Variants in DYNC1LI1 observed in about 807,000 individuals in gnomAD.
DYNC1LI1 encodes dynein cytoplasmic 1 light intermediate chain 1, also known as cytoplasmic dynein 1 light intermediate chain 1.
DYNC1LI1 carries 19 observed loss-of-function variants against 63.8 expected under a neutral mutation model. The observed-to-expected ratio is 0.30, with a 90% CI of 0.21 to 0.44. The LOEUF (loss-of-function observed/expected upper bound fraction) is 0.44. DYNC1LI1 is among the 20% of genes least tolerant of loss of function. DYNC1LI1 has a pLI of 1.00. For missense variants in DYNC1LI1, 565 were observed against 630.2 expected, an observed-to-expected ratio of 0.90 and a Z score of 1.11; for synonymous variants, 225 against 232.3, an observed-to-expected ratio of 0.97 and a Z score of 0.28.
rs950813602 is a variant in DYNC1LI1 at position 32,526,077 on chromosome 3, A to T, written c.*722T>A. The T allele has an allele frequency of 6.6e-6, 1 of 152,522 alleles. No individual in the cohort carries two copies. Among genetic ancestry groups the T allele is most frequent in the African/African-American group, 2.4e-5 (1 of 41,404 alleles). 9.4% of individuals were successfully genotyped at this position (152,522 alleles called of 1,614,324 possible). A position where few individuals can be genotyped will look rare whatever the true frequency, so the allele number is the denominator to read the frequency against. ...AAGGCAAAGCCATATATATATATAT[A>T]TATGTATAGACAAATCCAAAGATTG... On this transcript the variant is annotated 3_prime_UTR_variant, in exon 13 of 13. Transcript: ENST00000273130.
intron 2 of DYNC1LI1, among the ~76,000 whole-genome samples, chr3:32,551,515 T>C (rs928824704): frequency 6.6e-6 from 1 of 152,216 alleles, no homozygotes. Flanking sequence ...GAGGAACCAC[T>C]GGCACAGTTT....
At chr3:32,543,955 G>A (rs922720570) in intron 4 of DYNC1LI1, among the ~76,000 whole-genome samples, 1 of 151,344 alleles carries the variant, frequency 6.6e-6, no homozygotes, top group African/African-American at 2.4e-5. Context: ...ACTACTCAGG[G>A]GGCTGAGATG....
chr3:32,531,888 T>A (rs527572993), intron 8 of DYNC1LI1: 1 of 152,196 alleles, frequency 6.6e-6, no homozygotes, highest in Non-Finnish European at 1.5e-5. Context: ...TTGCTGAATA[T>A]TTGCATTAAT....
intron 8 of DYNC1LI1, chr3:32,532,205 C>T (rs1697707045): frequency 6.6e-6 from 1 of 152,002 alleles, no homozygotes; most frequent in African/African-American, 2.4e-5. Context: ...GTGGCTCACA[C>T]CTGTAATCCC....
intron 2 of DYNC1LI1, among the ~76,000 whole-genome samples, chr3:32,552,922 C>A (rs1698064336): frequency 2.0e-5 from 3 of 152,232 alleles, no homozygotes; most frequent in African/African-American, 7.2e-5. Context: ...GCCAGGATCT[C>A]TTGACCTCGT....
At chr3:32,559,281 C>T (rs1204400151) in intron 2 of DYNC1LI1, among the ~76,000 whole-genome samples, 1 of 152,042 alleles carries the variant, frequency 6.6e-6, no homozygotes, top group Non-Finnish European at 1.5e-5. Context: ...AACTCTGTTG[C>T]CCAGGCTGGA....
chr3:32,542,896 A>G (rs949677018), intron 4 of DYNC1LI1, among the ~76,000 whole-genome samples: 1 of 152,206 alleles, frequency 6.6e-6, no homozygotes, highest in Non-Finnish European at 1.5e-5. Flanking sequence ...CCGTTCCTCT[A>G]GAAACACAGG....
chr3:32,570,812 C>CGAGGCGGCT lies in DYNC1LI1; in HGVS notation c.-51_-43dup. The CGAGGCGGCT allele has an allele frequency of 6.4e-7, 1 of 1,567,922 alleles. No individual in the cohort carries two copies. Among genetic ancestry groups the CGAGGCGGCT allele is most frequent in the Non-Finnish European group, 8.7e-7 (1 of 1,153,994 alleles). On this transcript the variant is annotated 5_prime_UTR_variant, in exon 1 of 13. Transcript: ENST00000273130. ...ACCACTCCCGGCAAGACTAAATGTGCGAGGCGGCTGAGGCGGTGGCGGTGG... is the reference window on the plus strand; with the variant it reads ...ACCACTCCCGGCAAGACTAAATGTGCGAGGCGGCTGAGGCGGCTGAGGCGGTGGCGGTGG...
intron 5 of DYNC1LI1, 139 bp from the exon 6 acceptor site, chr3:32,537,243 A>G: frequency 2.1e-6 from 1 of 467,866 alleles, no homozygotes; most frequent in Non-Finnish European, 3.7e-6. Flanking sequence ...AGGACACAGA[A>G]TATCAAGTAC....
chr3:32,563,865 AATG>A (rs775001302), intron 2 of DYNC1LI1, among the ~76,000 whole-genome samples: 11 of 152,242 alleles, frequency 7.2e-5, no homozygotes, highest in Non-Finnish European at 1.5e-4. Context: ...CTGGAATAAC[AATG>A]ATACTTTAAG....
At chr3:32,570,569 C>A in intron 1 of DYNC1LI1, 56 bp downstream of exon 1, 1 of 1,531,070 alleles carries the variant, frequency 6.5e-7, no homozygotes, top group African/African-American at 1.4e-5. Flanking sequence ...GATCCCGAGG[C>A]GTCCGCGCAA....
At chr3:32,530,688 A>G (rs1050249974) in intron 8 of DYNC1LI1, 168 bp from the exon 9 acceptor site, 6 of 605,152 alleles carry the variant, frequency 9.9e-6, no homozygotes, top group South Asian at 2.2e-5. Flanking sequence ...CCTTCAGCAG[A>G]GGTGTCCAGT....
chr3:32,551,956 G>A (rs1022127139), intron 2 of DYNC1LI1, among the ~76,000 whole-genome samples: 4 of 152,136 alleles, frequency 2.6e-5, no homozygotes, highest in African/African-American at 9.7e-5. Flanking sequence ...GTGACCCACA[G>A]ACTTCCTTCA....
chr3:32,537,224 A>C, intron 5 of DYNC1LI1, 120 bp from the exon 6 acceptor site: 1 of 520,318 alleles, frequency 1.9e-6, no homozygotes, highest in Non-Finnish European at 3.3e-6. Context: ...GATATGGTGA[A>C]TGAACAGCAG....
intron 2 of DYNC1LI1, among the ~76,000 whole-genome samples, chr3:32,554,264 T>C (rs1698081640): frequency 6.6e-6 from 1 of 152,244 alleles, no homozygotes; most frequent in African/African-American, 2.4e-5. Context: ...TTTTACATGA[T>C]GACAGCTATT....
chr3:32,540,698 A>AG (rs1697868676), intron 5 of DYNC1LI1, among the ~76,000 whole-genome samples: 2 of 151,958 alleles, frequency 1.3e-5, no homozygotes, highest in South Asian at 4.1e-4. Flanking sequence ...AAAAAAAAAA[A>AG]AATTAATGTT....
intron 5 of DYNC1LI1, among the ~76,000 whole-genome samples, chr3:32,539,687 C>T (rs1357177289): frequency 6.6e-6 from 1 of 151,516 alleles, no homozygotes; most frequent in East Asian, 1.9e-4. Flanking sequence ...AGGCGCCCGC[C>T]ACCATGCCTG....
At position 32,529,441 on chromosome 3, in the gene DYNC1LI1, C is replaced by T. The variant is rs902641180; in HGVS notation, c.1306+99G>A. 6.7e-6 allele frequency: 8 copies of T among 1,194,218 alleles called. No homozygotes were observed. In the African/African-American group the frequency reaches 1.2e-4, roughly 18 times the overall value. The allele number at this position is 1,194,218 out of a possible 1,614,324, so 74.0% of individuals were successfully genotyped here. A position where few individuals can be genotyped will look rare whatever the true frequency, so the allele number is the denominator to read the frequency against. ...TAGAGACAAAGCCTAAAAGGTATTA[C>T]ACAAGAATGAAAATAGTTATGGCAA... On this transcript the variant is annotated intron_variant, in intron 11 of 12. Transcript: ENST00000273130.
chr3:32,537,937 A>ATAATTT (rs60796171), intron 5 of DYNC1LI1, among the ~76,000 whole-genome samples: 3 of 13,888 alleles, frequency 2.2e-4, no homozygotes, highest in Non-Finnish European at 3.7e-4. Flanking sequence ...ATATATATAT[A>ATAATTT]ATATATATAT....
Sources: gnomAD v4.1 joint callset for allele counts (sites outside exome capture counted in the v4.1 genomes callset) on GRCh38, gnomAD v4.1.1 for gene constraint, MANE v1.5 for transcripts, NCBI Gene and HGNC (gene_info 2026-07-23, HGNC 2026-07-21) for gene names.